FOCAD: variants seen among roughly 807,000 people sequenced by gnomAD.
The protein encoded by FOCAD is KIAA1797.
Under a neutral mutation model 225.6 loss-of-function variants are expected in FOCAD, and 198 were observed. That is an observed-to-expected ratio of 0.88 (90% CI 0.78 to 0.99). The LOEUF (loss-of-function observed/expected upper bound fraction) is 0.99, where lower values mean the gene tolerates loss of function less well. Ranked by LOEUF, FOCAD falls within the 50% of genes least tolerant of loss-of-function variation. The pLI is 0.00. For missense variants in FOCAD, 2,713 were observed against 2,123.6 expected (o/e 1.28, Z -5.46); for synonymous variants, 897 against 755.0 (o/e 1.19, Z -3.08).
At chr9:20,976,600 T>A in intron 36 of FOCAD, 52 bp downstream of exon 36, 1 of 1,572,864 alleles carries the variant, frequency 6.4e-7, no homozygotes. Flanking sequence ...GTATTTGACC[T>A]GAATGGAAAA....
chr9:20,785,369 C>A (rs1438547714), intron 10 of FOCAD, among the ~76,000 whole-genome samples: 1 of 152,110 alleles, frequency 6.6e-6, no homozygotes, highest in Non-Finnish European at 1.5e-5. Flanking sequence ...CCTAAACAAT[C>A]CCTGCACTCT....
rs376646881 is a variant in FOCAD at position 20,712,613 on chromosome 9, TC to T, written c.-32-2708del. On this transcript the variant is annotated intron_variant, in intron 1 of 43. Transcript: ENST00000338382. ...GGAGGCGGAGGTTAGTGAGCTGAGATCGCACCACTGCACTCCAGCCTGGGTG... is the reference window on the plus strand; with the variant it reads ...GGAGGCGGAGGTTAGTGAGCTGAGATGCACCACTGCACTCCAGCCTGGGTG... Among the ~76,000 whole-genome samples, 436 of 151,180 alleles carry T rather than the reference TC, an allele frequency of 2.9e-3. 1 individual carries two copies. Among genetic ancestry groups the T allele is most frequent in the African/African-American group, 0.01 (415 of 41,160 alleles).
intron 15 of FOCAD, among the ~76,000 whole-genome samples, chr9:20,844,879 C>T (rs749174333): frequency 6.6e-6 from 1 of 152,014 alleles, no homozygotes; most frequent in Non-Finnish European, 1.5e-5. Flanking sequence ...GTGAAATTTT[C>T]CTATCCCTTA....
At chr9:20,966,504 C>A (rs1001004436) in intron 35 of FOCAD, among the ~76,000 whole-genome samples, 5 of 152,078 alleles carry the variant, frequency 3.3e-5, no homozygotes, top group Non-Finnish European at 5.9e-5. Flanking sequence ...CTTTAATGAA[C>A]AAGTTTTTAA....
intron 15 of FOCAD, among the ~76,000 whole-genome samples, chr9:20,832,005 CT>C (rs1218717768): frequency 6.6e-6 from 1 of 152,052 alleles, no homozygotes; most frequent in Non-Finnish European, 1.5e-5. Flanking sequence ...AAGGTTCATT[CT>C]TGTGGCAACA....
chr9:20,753,621 C>G (rs1828774780), intron 5 of FOCAD, among the ~76,000 whole-genome samples: 2 of 151,988 alleles, frequency 1.3e-5, no homozygotes, highest in South Asian at 2.1e-4. Flanking sequence ...CTAAAATTGT[C>G]TTTTTTGGTT....
chr9:20,962,071 G>C (rs769604764), intron 35 of FOCAD, among the ~76,000 whole-genome samples: 1 of 152,040 alleles, frequency 6.6e-6, no homozygotes, highest in Non-Finnish European at 1.5e-5. Context: ...TATGGACTTA[G>C]TGTAGAAAAA....
chr9:20,761,721 A>G (rs1829618579), intron 6 of FOCAD, among the ~76,000 whole-genome samples: 1 of 152,098 alleles, frequency 6.6e-6, no homozygotes. Flanking sequence ...TGCCTGGCCC[A>G]AGCCTCCATT....
intron 35 of FOCAD, among the ~76,000 whole-genome samples, chr9:20,968,295 A>G (rs1587742446): frequency 6.6e-6 from 1 of 151,988 alleles, no homozygotes; most frequent in East Asian, 1.9e-4. Context: ...AGGTCCATAC[A>G]AATGTTTCCA....
intron 1 of FOCAD, among the ~76,000 whole-genome samples, chr9:20,698,426 G>A (rs1823564180): frequency 6.6e-6 from 1 of 151,976 alleles, no homozygotes; most frequent in Non-Finnish European, 1.5e-5. Flanking sequence ...TTGAGATAGA[G>A]TCTTGCTCTA....
At chr9:20,827,790 A>G (rs930375006) in intron 15 of FOCAD, among the ~76,000 whole-genome samples, 3 of 152,094 alleles carry the variant, frequency 2.0e-5, no homozygotes, top group Non-Finnish European at 4.4e-5. Flanking sequence ...TACAAAATGG[A>G]AGGTATGTAT....
chr9:20,681,730 T>G (rs191607745), upstream of FOCAD, among the ~76,000 whole-genome samples: 699 of 152,296 alleles, frequency 4.6e-3, 9 homozygotes, highest in Admixed American at 0.031. Context: ...TAGCATTAGA[T>G]TAAATAAATT....
chr9:20,730,947 G>A lies in FOCAD; in HGVS notation c.288-9289G>A, dbSNP rs373715655. On this transcript the variant is annotated intron_variant, in intron 4 of 43. Coordinates refer to ENST00000338382, the MANE Select transcript of FOCAD (RefSeq NM_001375567.1). ...CCCATAACAACAAAAAAACTACTTT[G>A]ATTTCTGGCTGAGCGCAGTGGCTCA... Among the ~76,000 whole-genome samples, 3 of 152,072 alleles carry A rather than the reference G, an allele frequency of 2.0e-5. No homozygotes were observed. In the East Asian group the frequency reaches 5.8e-4, roughly 29 times the overall value.
intron 5 of FOCAD, among the ~76,000 whole-genome samples, chr9:20,744,940 A>G (rs1827926238): frequency 6.6e-6 from 1 of 152,160 alleles, no homozygotes; most frequent in South Asian, 2.1e-4. Context: ...ACTATTTTCA[A>G]GAATTTCAGA....
At chr9:20,946,394 G>A (rs759551799) in intron 29 of FOCAD, among the ~76,000 whole-genome samples, 56 of 152,216 alleles carry the variant, frequency 3.7e-4, no homozygotes, top group Non-Finnish European at 6.2e-4. Context: ...GGCATAATGT[G>A]GTGAAGAAAT....
At chr9:20,928,113 C>G (rs935834994) in intron 26 of FOCAD, among the ~76,000 whole-genome samples, 2 of 152,106 alleles carry the variant, frequency 1.3e-5, no homozygotes, top group African/African-American at 4.8e-5. Flanking sequence ...TTTGCAATAA[C>G]TATCTAGTTC....
chr9:20,690,762 T>C (rs547875635), intron 1 of FOCAD, among the ~76,000 whole-genome samples: 5 of 152,248 alleles, frequency 3.3e-5, no homozygotes, highest in African/African-American at 1.2e-4. Context: ...TTGCTCAGGC[T>C]GTTTTGAACT....
Position 20,684,268 on chromosome 9 carries a change from T to G in FOCAD, c.-58T>G, listed in dbSNP as rs1406698359. On this transcript the variant is annotated 5_prime_UTR_variant, in exon 1 of 44. Transcript: ENST00000338382. ...GCGGGCCACGTCAGGCAGCCGGCGCTGGGCTGAGCTTGTGGCAGAAGGGAG... is the reference window on the plus strand; with the variant it reads ...GCGGGCCACGTCAGGCAGCCGGCGCGGGGCTGAGCTTGTGGCAGAAGGGAG... The G allele has an allele frequency of 6.6e-6, 1 of 152,354 alleles. No individual in the cohort carries two copies. Among genetic ancestry groups the G allele is most frequent in the Non-Finnish European group, 1.5e-5 (1 of 68,208 alleles). The allele number at this position is 152,354 out of a possible 1,614,324, so 9.4% of individuals were successfully genotyped here. A position where few individuals can be genotyped will look rare whatever the true frequency, so the allele number is the denominator to read the frequency against.
rs1818048415 is a variant in FOCAD at position 20,770,136 on chromosome 9, G to T, written c.804G>T (p.Met268Ile). 27 of 1,614,058 alleles carry T rather than the reference G, an allele frequency of 1.7e-5. No homozygotes were observed. The highest frequency in any genetic ancestry group is 2.3e-5 in the Non-Finnish European group (27 of 1,179,966). The change falls in exon 8 of 44, where the codon ATG becomes ATT. Residue 268 changes from methionine to isoleucine, a missense_variant. By Grantham distance (10) the Met-to-Ile change is conservative (BLOSUM62 1). Coordinates refer to ENST00000338382, the MANE Select transcript of FOCAD (RefSeq NM_001375567.1). ...TCTGGAAAATTCAGCTTACCCAGAT[G>T]AGTCTTCAGCTGCTGTGTGTCAGTG... ...PVFWKIQLTQ[M>I]SLQLLCVSEV...
Sources: allele counts gnomAD v4.1 joint callset (sites outside exome capture counted in the v4.1 genomes callset), GRCh38; gene constraint gnomAD v4.1.1; transcripts MANE v1.5; gene names NCBI Gene and HGNC (gene_info 2026-07-23, HGNC 2026-07-21).